Variants in GPATCH2L observed in about 807,000 individuals in gnomAD.
GPATCH2L encodes the protein G patch domain-containing protein 2-like.
A neutral mutation model predicts 57.4 loss-of-function variants in GPATCH2L; 31 were observed. The observed-to-expected ratio is 0.54, with a 90% confidence interval of 0.41 to 0.73. The LOEUF is 0.73. GPATCH2L is among the 30% of genes least tolerant of loss of function. The pLI, the probability that GPATCH2L is intolerant of heterozygous loss-of-function variation, is 0.00. For synonymous variants in GPATCH2L, 199 were observed against 210.7 expected (o/e 0.94, Z 0.48); for missense variants, 481 against 599.9 (o/e 0.80, Z 2.07).
chr14:76,162,452 C>T (rs1461399510), intron 2 of GPATCH2L, among the ~76,000 whole-genome samples: 2 of 152,152 alleles, frequency 1.3e-5, no homozygotes, highest in Non-Finnish European at 2.9e-5. Flanking sequence ...ATTGCTTCTG[C>T]CGTGTGCGAT....
downstream of GPATCH2L, among the ~76,000 whole-genome samples, chr14:76,214,587 A>G (rs191405345): frequency 5.6e-4 from 85 of 152,308 alleles, 1 homozygote; most frequent in African/African-American, 1.9e-3. Context: ...GTGTCCTCAC[A>G]TGGTGAAGGG....
chr14:76,156,534 G>A (rs146207923), intron 2 of GPATCH2L, among the ~76,000 whole-genome samples: 108 of 152,246 alleles, frequency 7.1e-4, no homozygotes, highest in African/African-American at 2.5e-3. Context: ...GGATTATAAA[G>A]GTATTTTTCC....
At chr14:76,180,012 C>T (rs1402626286) in intron 7 of GPATCH2L, 4 of 138,176 alleles carry the variant, frequency 2.9e-5, no homozygotes, top group Non-Finnish European at 6.2e-5. Context: ...TGGCGAAACC[C>T]TGTCTCTACT....
At chr14:76,185,926 C>T (rs572392171) in intron 8 of GPATCH2L, among the ~76,000 whole-genome samples, 35 of 151,642 alleles carry the variant, frequency 2.3e-4, no homozygotes, top group African/African-American at 8.0e-4. Flanking sequence ...CAGACCTGGG[C>T]GAGAATCCGG....
At chr14:76,230,966 C>T (rs1440497896) in intron 2 of GPATCH2L, among the ~76,000 whole-genome samples, 2 of 152,204 alleles carry the variant, frequency 1.3e-5, no homozygotes, top group African/African-American at 4.8e-5. Context: ...TAAATAGTGG[C>T]CTGTGCCATG....
chr14:76,208,154 A>T lies in GPATCH2L; in HGVS notation c.*6303A>T, dbSNP rs2040399873. 1 of 152,202 alleles carries T rather than the reference A, an allele frequency of 6.6e-6. No homozygotes were observed. The highest frequency in any genetic ancestry group is 1.5e-5 in the Non-Finnish European group (1 of 68,032). The allele number at this position is 152,202 out of a possible 1,614,324, so 9.4% of individuals were successfully genotyped here. A position where few individuals can be genotyped will look rare whatever the true frequency, so the allele number is the denominator to read the frequency against. On this transcript the variant is annotated 3_prime_UTR_variant, in exon 10 of 10. Coordinates refer to ENST00000261530, the MANE Select transcript of GPATCH2L (RefSeq NM_017926.4). ...GACTAAAAAGTTAGAAGGCTTTAAG[A>T]TGTAAATTATATAAGTTAATGTTTT...
chr14:76,196,596 G>T (rs1256073490), intron 9 of GPATCH2L: 1 of 156,516 alleles, frequency 6.4e-6, no homozygotes, highest in African/African-American at 2.4e-5. Flanking sequence ...GTGTGTGGCT[G>T]CTTACATAGG....
rs1474158108 is a variant in GPATCH2L at position 76,206,983 on chromosome 14, T to C, written c.*5132T>C. On this transcript the variant is annotated 3_prime_UTR_variant, in exon 10 of 10. Transcript: ENST00000261530. Reference sequence around the variant, plus strand: ...TTTGAAGAATTGACAAAGGATGCTATCAAGGGCTATGTTTAGGTGGATGGA... The same window carrying C: ...TTTGAAGAATTGACAAAGGATGCTACCAAGGGCTATGTTTAGGTGGATGGA... 6.6e-6 allele frequency: 1 copy of C among 152,180 alleles called. No individual in the cohort carries two copies. The highest frequency in any genetic ancestry group is 1.5e-5 in the Non-Finnish European group (1 of 68,034). 9.4% of individuals were successfully genotyped at this position (152,180 alleles called of 1,614,324 possible).
intron 1 of GPATCH2L, among the ~76,000 whole-genome samples, chr14:76,219,984 C>T (rs144005461): frequency 2.6e-4 from 40 of 152,294 alleles, no homozygotes; most frequent in African/African-American, 8.4e-4. Flanking sequence ...AGCTTTGATT[C>T]GTTTCTGTTA....
At position 76,166,669 on chromosome 14, in the gene GPATCH2L, C is replaced by T. The variant is rs569634138; in HGVS notation, c.669C>T (p.Thr223=). ...TGTTTTACTCTTTTTACAGTGAAAC[C>T]AGCAGTGTGTGTAGCAGCAGTGACA... is the stretch of plus-strand genomic sequence containing the variant. ...GSDENMSECE[T]SSVCSSSDTG... The change falls in exon 3 of 10, where the codon ACC becomes ACT. Residue 223 remains threonine (T), a synonymous_variant. Transcript: ENST00000261530. The T allele has an allele frequency of 1.2e-6, 2 of 1,606,200 alleles. No individual in the cohort carries two copies. Among genetic ancestry groups the T allele is most frequent in the South Asian group, 1.1e-5 (1 of 90,906 alleles).
chr14:76,182,057 G>A (rs1260049231), intron 8 of GPATCH2L, among the ~76,000 whole-genome samples: 3 of 152,158 alleles, frequency 2.0e-5, no homozygotes, highest in African/African-American at 7.2e-5. Context: ...CACAAATGGT[G>A]TTATTAAGAA....
chr14:76,171,004 G>T (rs1405644942), intron 3 of GPATCH2L, among the ~76,000 whole-genome samples: 2 of 152,164 alleles, frequency 1.3e-5, no homozygotes, highest in Admixed American at 6.5e-5. Flanking sequence ...GGTTGTAAGG[G>T]TTTAGTGAGT....
chr14:76,210,721 G>C lies in GPATCH2L; in HGVS notation c.*8870G>C, dbSNP rs1331426079. The C allele has an allele frequency of 1.3e-5, 2 of 152,198 alleles. No homozygotes were observed. Among genetic ancestry groups the C allele is most frequent in the Non-Finnish European group, 2.9e-5 (2 of 68,042 alleles). The allele number at this position is 152,198 out of a possible 1,614,324, so 9.4% of individuals were successfully genotyped here. Reference sequence around the variant, plus strand: ...GCACAACTGATTCCTAAGTGAGGGGGATATGTGTTCTGAGATGTTAATGTT... The same window carrying C: ...GCACAACTGATTCCTAAGTGAGGGGCATATGTGTTCTGAGATGTTAATGTT... On this transcript the variant is annotated 3_prime_UTR_variant, in exon 10 of 10. Coordinates refer to ENST00000261530, the MANE Select transcript of GPATCH2L (RefSeq NM_017926.4).
downstream of GPATCH2L, among the ~76,000 whole-genome samples, chr14:76,214,990 G>A (rs578233556): frequency 6.6e-6 from 1 of 152,044 alleles, no homozygotes; most frequent in South Asian, 2.1e-4. Context: ...CAGGTACTGA[G>A]CATCCGTACA....
intron 2 of GPATCH2L, among the ~76,000 whole-genome samples, chr14:76,157,779 G>C (rs1044890994): frequency 4.6e-5 from 7 of 152,048 alleles, no homozygotes; most frequent in Non-Finnish European, 1.0e-4. Context: ...CCTAAACATG[G>C]AGTATAGACT....
intron 8 of GPATCH2L, 63 bp from the exon 9 acceptor site, chr14:76,195,815 A>T: frequency 1.6e-6 from 2 of 1,215,780 alleles, no homozygotes; most frequent in East Asian, 4.6e-5. Flanking sequence ...TCTGGGCTAC[A>T]TGTAATGTCT....
rs1312342476 is a variant in GPATCH2L at position 76,204,050 on chromosome 14, C to T, written c.*2199C>T. 6.6e-6 allele frequency: 1 copy of T among 152,166 alleles called. No homozygotes were observed. The highest frequency in any genetic ancestry group is 1.5e-5 in the Non-Finnish European group (1 of 68,036). The allele number at this position is 152,166 out of a possible 1,614,324, so 9.4% of individuals were successfully genotyped here. On this transcript the variant is annotated 3_prime_UTR_variant, in exon 10 of 10. Transcript: ENST00000261530. ...TATACAACATTATTTACATTTCAAA[C>T]ATCTCTACGAAGTCATGCCATTTTA...
At chr14:76,173,469 C>G (rs1303079435) in intron 4 of GPATCH2L, 77 bp from the exon 5 acceptor site, 1 of 844,944 alleles carries the variant, frequency 1.2e-6, no homozygotes, top group East Asian at 2.4e-5. Flanking sequence ...GGGGGTAAAG[C>G]CTTCAGTGTA....
intron 4 of GPATCH2L, among the ~76,000 whole-genome samples, chr14:76,172,801 AACT>A (rs1222706566): frequency 7.2e-5 from 11 of 152,224 alleles, no homozygotes; most frequent in Non-Finnish European, 1.2e-4. Context: ...ACGAGATGTA[AACT>A]TGTATTATGT....
Sources: allele counts gnomAD v4.1 joint callset (sites outside exome capture counted in the v4.1 genomes callset), GRCh38; gene constraint gnomAD v4.1.1; transcripts MANE v1.5; gene names NCBI Gene and HGNC (gene_info 2026-07-23, HGNC 2026-07-21).